Variants in FOCAD observed in about 807,000 individuals in gnomAD.
FOCAD encodes KIAA1797.
Under a neutral mutation model 225.6 loss-of-function variants are expected in FOCAD, and 198 were observed. The ratio of observed to expected loss-of-function variants is 0.88; its 90% CI spans 0.78 to 0.99. The LOEUF is 0.99. FOCAD is among the 50% of genes least tolerant of loss of function. FOCAD has a pLI of 0.00. For synonymous variants in FOCAD, 897 were observed against 755.0 expected (o/e 1.19, Z -3.08); for missense variants, 2,713 against 2,123.6 (o/e 1.28, Z -5.46).
At chr9:20,778,551 C>T in intron 8 of FOCAD, 130 bp from the exon 9 acceptor site, 2 of 568,312 alleles carry the variant, frequency 3.5e-6, no homozygotes, top group Non-Finnish European at 6.3e-6. Flanking sequence ...AGCACACTTG[C>T]TGTATAAATA....
intron 28 of FOCAD, among the ~76,000 whole-genome samples, chr9:20,934,317 T>A (rs1214324926): frequency 6.6e-6 from 1 of 152,154 alleles, no homozygotes; most frequent in Non-Finnish European, 1.5e-5. Context: ...CCAGTGTTAT[T>A]TTTAGAATTT....
chr9:20,866,917 T>TTA lies in FOCAD; in HGVS notation c.2107-12_2107-11insTA, dbSNP rs1587447724. ...TTTTTTTTTTTTTTTTTTTTTTTTT[T>TTA]ACCCTATCTAGGACCCAATTGTAGC... On this transcript the variant is annotated splice_polypyrimidine_tract_variant and intron_variant, in intron 17 of 43. Coordinates refer to ENST00000338382, the MANE Select transcript of FOCAD (RefSeq NM_001375567.1). 10 of 764,920 alleles carry TTA rather than the reference T, an allele frequency of 1.3e-5. No individual in the cohort carries two copies. The highest frequency in any genetic ancestry group is 3.3e-5 in the East Asian group (1 of 30,234). The allele number at this position is 764,920 out of a possible 1,614,324, so 47.4% of individuals were successfully genotyped here. A position where few individuals can be genotyped will look rare whatever the true frequency, so the allele number is the denominator to read the frequency against.
At chr9:20,975,862 T>C (rs1314667779) in intron 35 of FOCAD, among the ~76,000 whole-genome samples, 1 of 152,068 alleles carries the variant, frequency 6.6e-6, no homozygotes, top group Non-Finnish European at 1.5e-5. Context: ...GTTGATCTTA[T>C]ATAGAGGTAG....
At chr9:20,790,231 A>G (rs1012237963) in intron 11 of FOCAD, among the ~76,000 whole-genome samples, 1 of 152,194 alleles carries the variant, frequency 6.6e-6, no homozygotes, top group African/African-American at 2.4e-5. Flanking sequence ...CACTAACCAC[A>G]TATTTAGCAT....
At chr9:20,937,523 C>T (rs1301884592) in intron 28 of FOCAD, among the ~76,000 whole-genome samples, 1 of 151,256 alleles carries the variant, frequency 6.6e-6, no homozygotes, top group African/African-American at 2.4e-5. Context: ...ACTGGCTAGC[C>T]ATATGTAGAA....
intron 2 of FOCAD, among the ~76,000 whole-genome samples, chr9:20,667,469 A>G (rs1821929221): frequency 1.3e-5 from 2 of 152,250 alleles, no homozygotes; most frequent in African/African-American, 4.8e-5. Context: ...AAGAAAAAGT[A>G]CCCAATAAAT....
Position 20,788,664 on chromosome 9 carries a change from C to T in FOCAD, c.1198-687C>T, listed in dbSNP as rs183625502. Among the ~76,000 whole-genome samples, 307 of 152,302 alleles carry T rather than the reference C, an allele frequency of 2.0e-3. 3 individuals are homozygous for T. The highest frequency in any genetic ancestry group is 0.018 in the Admixed American group (268 of 15,288). ...CAAGCAATGTCTAATGATTCTTTAA[C>T]GTCTGCCACTTCTGAGCTGTTTATT... is the stretch of plus-strand genomic sequence containing the variant. On this transcript the variant is annotated intron_variant, in intron 10 of 43. Transcript: ENST00000338382.
At chr9:20,955,512 A>G (rs1838054868) in intron 35 of FOCAD, among the ~76,000 whole-genome samples, 2 of 110,358 alleles carry the variant, frequency 1.8e-5, no homozygotes, top group African/African-American at 3.2e-5. Context: ...GGTTTTGACT[A>G]TAACTGGGTC....
At chr9:20,987,899 T>C (rs1342028081) in intron 40 of FOCAD, among the ~76,000 whole-genome samples, 1 of 152,228 alleles carries the variant, frequency 6.6e-6, no homozygotes, top group Non-Finnish European at 1.5e-5. Flanking sequence ...TTGTTTTTCT[T>C]TACATGTCTT....
intron 43 of FOCAD, among the ~76,000 whole-genome samples, chr9:20,993,992 T>C (rs1367581695): frequency 6.6e-6 from 1 of 152,210 alleles, no homozygotes; most frequent in Non-Finnish European, 1.5e-5. Flanking sequence ...AAGAAGTTTT[T>C]TCCTGCTTCT....
At chr9:20,959,670 T>C (rs1397330245) in intron 35 of FOCAD, among the ~76,000 whole-genome samples, 1 of 152,136 alleles carries the variant, frequency 6.6e-6, no homozygotes, top group African/African-American at 2.4e-5. Flanking sequence ...TTTTGTGTCT[T>C]ACATTTATGT....
intron 1 of FOCAD, among the ~76,000 whole-genome samples, chr9:20,695,306 A>G (rs936065321): frequency 4.6e-5 from 7 of 152,148 alleles, no homozygotes; most frequent in South Asian, 2.1e-4. Flanking sequence ...AGATGAATCA[A>G]TGGATTCAAG....
intron 1 of FOCAD, among the ~76,000 whole-genome samples, chr9:20,695,823 G>A (rs900764732): frequency 2.0e-5 from 3 of 152,204 alleles, no homozygotes; most frequent in African/African-American, 7.2e-5. Context: ...TGCAGCATTG[G>A]TATTAGGTAT....
chr9:20,885,035 G>A, intron 20 of FOCAD, 74 bp from the exon 21 acceptor site: 2 of 918,768 alleles, frequency 2.2e-6, no homozygotes, highest in African/African-American at 3.5e-5. Flanking sequence ...CTCCAGCCTG[G>A]GCAACAGAGT....
intron 15 of FOCAD, among the ~76,000 whole-genome samples, chr9:20,836,512 C>A (rs893512874): frequency 3.3e-5 from 5 of 151,980 alleles, no homozygotes. Context: ...GTAGTTGGGG[C>A]ATGTTTTTTT....
At chr9:20,864,138 C>T (rs547022402) in intron 16 of FOCAD, among the ~76,000 whole-genome samples, 37 of 152,124 alleles carry the variant, frequency 2.4e-4, no homozygotes, top group African/African-American at 8.7e-4. Context: ...CCTCCTTCCT[C>T]CTCCCACTTT....
At chr9:20,801,614 A>G (rs539274920) in intron 11 of FOCAD, among the ~76,000 whole-genome samples, 2 of 152,292 alleles carry the variant, frequency 1.3e-5, no homozygotes, top group Non-Finnish European at 2.9e-5. Context: ...CTTGACATCT[A>G]TATGATCTTC....
chr9:20,727,804 A>G (rs1415596661), intron 4 of FOCAD, among the ~76,000 whole-genome samples: 5 of 152,226 alleles, frequency 3.3e-5, no homozygotes, highest in African/African-American at 7.2e-5. Context: ...ATTTGTTCCC[A>G]TGACACCTAG....
At chr9:20,869,897 ACATGTTGATTGT>A (rs1376332179) in intron 18 of FOCAD, among the ~76,000 whole-genome samples, 1 of 152,174 alleles carries the variant, frequency 6.6e-6, no homozygotes, top group Non-Finnish European at 1.5e-5. Flanking sequence ...TTCTTTGAGG[ACATGTTGATTGT>A]CATGTTGAAA....
Sources: allele counts gnomAD v4.1 joint callset (sites outside exome capture counted in the v4.1 genomes callset), GRCh38; gene constraint gnomAD v4.1.1; transcripts MANE v1.5; gene names NCBI Gene and HGNC (gene_info 2026-07-23, HGNC 2026-07-21).